CRPPA: variants seen among roughly 807,000 people sequenced by gnomAD.
The protein encoded by CRPPA is D-ribitol-5-phosphate cytidylyltransferase.
Under a neutral mutation model 52.0 loss-of-function variants are expected in CRPPA, and 43 were observed. The ratio of observed to expected loss-of-function variants is 0.83; its 90% confidence interval spans 0.65 to 1.07. CRPPA has a LOEUF of 1.07. Among genes scored for constraint, CRPPA ranks in the 50% least tolerant of loss-of-function variants. CRPPA has a pLI of 0.00. For missense variants in CRPPA, 629 were observed against 551.7 expected (o/e 1.14, Z -1.40); for synonymous variants, 250 against 203.5 (o/e 1.23, Z -1.94).
chr7:16,374,234 A>C (rs1032752225), intron 3 of CRPPA, among the ~76,000 whole-genome samples: 3 of 152,146 alleles, frequency 2.0e-5, no homozygotes, highest in Non-Finnish European at 4.4e-5. Context: ...AGGTGGGATA[A>C]GCTGGCTTGC....
At chr7:16,117,822 C>G (rs1527202) in intron 9 of CRPPA, among the ~76,000 whole-genome samples, 120,104 of 152,110 alleles carry the variant, frequency 0.79, 48,807 homozygotes, top group Admixed American at 0.88. Context: ...TGCCCATACA[C>G]GTCAGTTCCA....
At chr7:16,153,384 A>T (rs758299075) in intron 9 of CRPPA, among the ~76,000 whole-genome samples, 9 of 152,002 alleles carry the variant, frequency 5.9e-5, no homozygotes, top group East Asian at 3.9e-4. Context: ...AAGTTTTTTT[A>T]AAAAAAGAAA....
intron 3 of CRPPA, among the ~76,000 whole-genome samples, chr7:16,332,524 G>A (rs796748755): frequency 3.9e-5 from 6 of 152,156 alleles, no homozygotes; most frequent in African/African-American, 1.4e-4. Context: ...AGGGCTGCAG[G>A]GAATGATAAA....
At chr7:16,156,985 T>A (rs1462168151) in intron 9 of CRPPA, among the ~76,000 whole-genome samples, 1 of 152,156 alleles carries the variant, frequency 6.6e-6, no homozygotes, top group Non-Finnish European at 1.5e-5. Context: ...TGAGCAGCAA[T>A]AACATAGTTT....
intron 3 of CRPPA, among the ~76,000 whole-genome samples, chr7:16,341,524 A>C (rs1302632115): frequency 6.6e-6 from 1 of 152,220 alleles, no homozygotes; most frequent in African/African-American, 2.4e-5. Context: ...TAAGTGAATA[A>C]AATTACCTAC....
At chr7:16,340,303 A>G (rs538113903) in intron 3 of CRPPA, among the ~76,000 whole-genome samples, 1 of 152,096 alleles carries the variant, frequency 6.6e-6, no homozygotes, top group Non-Finnish European at 1.5e-5. Flanking sequence ...AAGAAAATGA[A>G]AAGATATGCC....
intron 9 of CRPPA, among the ~76,000 whole-genome samples, chr7:16,168,788 TA>T (rs1211303339): frequency 6.6e-6 from 1 of 152,022 alleles, no homozygotes; most frequent in Non-Finnish European, 1.5e-5. Flanking sequence ...ATACACATGC[TA>T]AAAGAAAAAG....
At chr7:16,277,451 G>A (rs1784227471) in intron 6 of CRPPA, 1 of 150,592 alleles carries the variant, frequency 6.6e-6, no homozygotes, top group African/African-American at 2.4e-5. Context: ...GTTGTCAAAA[G>A]GTCATCACAT....
At chr7:16,155,074 T>C (rs1230207200) in intron 9 of CRPPA, among the ~76,000 whole-genome samples, 1 of 151,264 alleles carries the variant, frequency 6.6e-6, no homozygotes, top group African/African-American at 2.4e-5. Context: ...TGCCTTGGCC[T>C]CCCAAAATGC....
intron 3 of CRPPA, among the ~76,000 whole-genome samples, chr7:16,319,649 G>A (rs1785215594): frequency 6.6e-6 from 1 of 152,066 alleles, no homozygotes; most frequent in Non-Finnish European, 1.5e-5. Context: ...TCTCCAGTCT[G>A]GAAAAAAAAG....
rs55682769 is a variant in CRPPA, at chr7:16,307,673, CAAAAAAAAAAAAAA to C, written c.789+836_789+849del. On this transcript the variant is annotated intron_variant, in intron 4 of 9. Transcript: ENST00000407010. ...CTGGGCCAGAAGAGTGAAACTCTGT[CAAAAAAAAAAAAAA>C]AAAAAAAAAAAAAGAAGCAAGTTAG... Among the ~76,000 whole-genome samples the C allele has an allele frequency of 4.2e-3, 185 of 44,378 alleles. 1 individual carries two copies. Among genetic ancestry groups the C allele is most frequent in the African/African-American group, 3.7e-3 (42 of 11,234 alleles). 29.1% of individuals were successfully genotyped at this position (44,378 alleles called of 152,430 possible). A position where few individuals can be genotyped will look rare whatever the true frequency, so the allele number is the denominator to read the frequency against.
Position 16,312,842 on chromosome 7 carries a change from T to A in CRPPA, c.685-4215A>T, listed in dbSNP as rs188295824. ...TCTATCCATTAATATGATTATATGA[T>A]TTTTCTCTTTCTGCCTATTGATGTG... On this transcript the variant is annotated intron_variant, in intron 3 of 9. Transcript: ENST00000407010. Among the ~76,000 whole-genome samples the A allele has an allele frequency of 2.0e-5, 3 of 152,124 alleles. No homozygotes were observed. In the East Asian group the frequency reaches 5.8e-4, roughly 29 times the overall value.
At chr7:16,172,849 C>G (rs769574838) in intron 9 of CRPPA, among the ~76,000 whole-genome samples, 10 of 152,106 alleles carry the variant, frequency 6.6e-5, no homozygotes, top group Non-Finnish European at 1.3e-4. Flanking sequence ...TCAACACACA[C>G]AAAATATAAT....
chr7:16,367,470 G>A (rs552165328), intron 3 of CRPPA, among the ~76,000 whole-genome samples: 85 of 152,154 alleles, frequency 5.6e-4, no homozygotes, highest in African/African-American at 2.0e-3. Flanking sequence ...TTTTTGACTT[G>A]TTCCTGTTAA....
At chr7:16,124,824 C>T (rs1174234422) in intron 9 of CRPPA, among the ~76,000 whole-genome samples, 1 of 151,120 alleles carries the variant, frequency 6.6e-6, no homozygotes. Flanking sequence ...CACATTGTAC[C>T]CATAAATATG....
At chr7:16,175,090 G>A (rs934856753) in intron 9 of CRPPA, among the ~76,000 whole-genome samples, 10 of 152,036 alleles carry the variant, frequency 6.6e-5, no homozygotes, top group African/African-American at 2.4e-4. Flanking sequence ...GCAGTCCATG[G>A]GAACCAATGA....
In CRPPA at chr7:16,117,397, T is replaced by G. The variant is rs138688124; in HGVS notation, c.1252-25598A>C. 2.5e-4 allele frequency among the ~76,000 whole-genome samples: 38 copies of G among 152,266 alleles called. 1 individual carries two copies. Among genetic ancestry groups the G allele is most frequent in the African/African-American group, 9.1e-4 (38 of 41,566 alleles). ...TAGACGAGCCTTCCTTTTCTTTCCT[T>G]CAGGCATTTGCTTTTCCTTGTCTTC... On this transcript the variant is annotated intron_variant, in intron 9 of 9. Coordinates refer to ENST00000407010, the MANE Select transcript of CRPPA (RefSeq NM_001101426.4).
chr7:16,390,142 C>G (rs1375612999), intron 2 of CRPPA, among the ~76,000 whole-genome samples: 2 of 151,478 alleles, frequency 1.3e-5, no homozygotes, highest in Non-Finnish European at 2.9e-5. Context: ...CTACTTTTAC[C>G]CATTCCCTCT....
chr7:16,270,424 A>C (rs897244065), intron 6 of CRPPA: 10 of 152,182 alleles, frequency 6.6e-5, no homozygotes, highest in Non-Finnish European at 1.3e-4. Context: ...CCCTCAATTA[A>C]TATTTTAAAA....
Sources: gnomAD v4.1 joint callset for allele counts (sites outside exome capture counted in the v4.1 genomes callset) on GRCh38, gnomAD v4.1.1 for gene constraint, MANE v1.5 for transcripts, NCBI Gene and HGNC (gene_info 2026-07-23, HGNC 2026-07-21) for gene names.